The following CNTN2 variants were observed in gnomAD, a reference collection of about 807,000 sequenced individuals.
The protein encoded by CNTN2 is contactin-2.
Under a neutral mutation model 117.5 loss-of-function variants are expected in CNTN2, and 53 were observed. The ratio of observed to expected loss-of-function variants is 0.45; its 90% CI spans 0.36 to 0.57. The LOEUF (loss-of-function observed/expected upper bound fraction) is 0.57. Ranked by LOEUF, CNTN2 falls within the 20% of genes least tolerant of loss-of-function variation. The probability of loss-of-function intolerance (pLI) is 0.00; values close to 1 mark genes in which losing one functional copy is unlikely to be tolerated. For missense variants in CNTN2, 1,106 were observed against 1,404.3 expected (o/e 0.79, Z 3.39); for synonymous variants, 530 against 561.7 (o/e 0.94, Z 0.80).
chr1:205,046,707 C>T (rs2096442134), intron 1 of CNTN2, among the ~76,000 whole-genome samples: 1 of 152,312 alleles, frequency 6.6e-6, no homozygotes, highest in East Asian at 1.9e-4. Flanking sequence ...AGGAAATTTT[C>T]TTCCTGATTT....
At chr1:205,069,700 T>C in intron 17 of CNTN2, 127 bp from the exon 18 acceptor site, 1 of 1,401,776 alleles carries the variant, frequency 7.1e-7, no homozygotes, top group South Asian at 1.3e-5. Context: ...CGCTGCCCCT[T>C]ACGCGAATCC....
rs1487825907 is a variant in CNTN2 at position 205,074,153 on chromosome 1, G to A, written c.*388G>A. 8.4e-6 allele frequency: 4 copies of A among 474,412 alleles called. No homozygotes were observed. Among genetic ancestry groups the A allele is most frequent in the African/African-American group, 1.9e-5 (1 of 52,176 alleles). The allele number at this position is 474,412 out of a possible 1,614,324, so 29.4% of individuals were successfully genotyped here. On this transcript the variant is annotated 3_prime_UTR_variant, in exon 23 of 23. Transcript: ENST00000331830. Reference sequence around the variant, plus strand: ...GCCACTTGAGAGCAGTCCTAGGCCCGGCAGGAACACCAGACATGAACAGGT... The same window carrying A: ...GCCACTTGAGAGCAGTCCTAGGCCCAGCAGGAACACCAGACATGAACAGGT...
intron 1 of CNTN2, among the ~76,000 whole-genome samples, chr1:205,051,615 A>G (rs913122840): frequency 6.6e-6 from 1 of 151,996 alleles, no homozygotes; most frequent in Non-Finnish European, 1.5e-5. Context: ...ATCTGCTCCA[A>G]CGCCCCCCAC....
chr1:205,063,629 TAA>T (rs1194126862), intron 10 of CNTN2: 5 of 126,400 alleles, frequency 4.0e-5, no homozygotes, highest in Admixed American at 1.6e-4. Context: ...ACTTGTCTTT[TAA>T]AAAAAAAAAA....
intron 21 of CNTN2, 29 bp downstream of exon 21, chr1:205,072,624 T>C: frequency 6.5e-7 from 1 of 1,532,456 alleles, no homozygotes; most frequent in African/African-American, 1.4e-5. Flanking sequence ...AGGCCCAGAA[T>C]GGGAAGGAAC....
intron 16 of CNTN2, chr1:205,068,401 T>C (rs903817447): frequency 3.3e-5 from 5 of 152,240 alleles, no homozygotes; most frequent in African/African-American, 1.2e-4. Context: ...CAGGCCCTTT[T>C]TCTAGAATCA....
upstream of CNTN2, chr1:205,043,198 C>T (rs1242551370): frequency 1.3e-5 from 2 of 152,602 alleles, no homozygotes; most frequent in Non-Finnish European, 2.9e-5. Context: ...GCTGCAGTGG[C>T]TCCGGGCGCG....
At position 205,074,199 on chromosome 1, in the gene CNTN2, C is replaced by T; in HGVS notation, c.*434C>T. The T allele has an allele frequency of 4.6e-6, 2 of 438,686 alleles. No homozygotes were observed. The highest frequency in any genetic ancestry group is 8.0e-6 in the Non-Finnish European group (2 of 248,810). The allele number at this position is 438,686 out of a possible 1,614,324, so 27.2% of individuals were successfully genotyped here. On this transcript the variant is annotated 3_prime_UTR_variant, in exon 23 of 23. Transcript: ENST00000331830. ...CAGGTTGAAGAACTGGAGCGAAGTG[C>T]ACACCTCACCATCCTTCAGTCTAAG...
rs2151200097 is a variant in CNTN2, at chr1:205,072,103, C to T, written c.2701C>T (p.Pro901Ser). 2 of 1,612,808 alleles carry T rather than the reference C, an allele frequency of 1.2e-6. No individual in the cohort carries two copies. The highest frequency in any genetic ancestry group is 2.2e-5 in the East Asian group (1 of 44,868). ...YNRAGTGPAS[P>S]SANATTMKPP... ...CCGGGCTGGCACTGGGCCTGCCAGC[C>T]CTTCTGCCAACGCCACGACCATGAA... is the stretch of plus-strand genomic sequence containing the variant. Residue 901 changes from proline (P) to serine (S), a missense_variant, in exon 20 of 23, where the codon CCT becomes TCT. Physicochemically the swap from Pro to Ser is moderately conservative, Grantham distance 74. Transcript: ENST00000331830.
intron 1 of CNTN2, among the ~76,000 whole-genome samples, chr1:205,050,786 T>G (rs2096451372): frequency 1.3e-5 from 2 of 152,092 alleles, no homozygotes; most frequent in Non-Finnish European, 2.9e-5. Context: ...GCCCAGCAAA[T>G]TTTTGTATTT....
chr1:205,071,870 A>T, intron 19 of CNTN2, 77 bp from the exon 20 acceptor site: 1 of 1,385,506 alleles, frequency 7.2e-7, no homozygotes, highest in East Asian at 2.4e-5. Flanking sequence ...GCAAGAGAGG[A>T]ACAGAATGTG....
At chr1:205,062,195 G>A in intron 9 of CNTN2, 194 bp downstream of exon 9, 1 of 840,844 alleles carries the variant, frequency 1.2e-6, no homozygotes, top group Non-Finnish European at 1.8e-6. Flanking sequence ...CTGGATCCAG[G>A]CACAGTTCAG....
At chr1:205,052,128 C>T (rs368406211) in intron 1 of CNTN2, among the ~76,000 whole-genome samples, 3 of 152,360 alleles carry the variant, frequency 2.0e-5, no homozygotes, top group Admixed American at 6.5e-5. Flanking sequence ...CAGAGCAGAG[C>T]AGCAGAATCT....
rs766935319 is a variant in CNTN2 at position 205,072,531 on chromosome 1, G to T, written c.2780G>T (p.Ser927Ile). ...GNISWTFSSS[S>I]LSIKWDPVVP... Reference sequence around the variant, plus strand: ...ATCTCCTGGACTTTCTCAAGCTCTAGTCTTAGCATTAAGTGGGACCCTGTG... The same window carrying T: ...ATCTCCTGGACTTTCTCAAGCTCTATTCTTAGCATTAAGTGGGACCCTGTG... Residue 927 changes from serine to isoleucine, a missense_variant, in exon 21 of 23, where the codon AGT becomes ATT. Transcript: ENST00000331830. 6.2e-7 allele frequency: 1 copy of T among 1,614,198 alleles called. No homozygotes were observed. The highest frequency in any genetic ancestry group is 8.5e-7 in the Non-Finnish European group (1 of 1,180,050).
At position 205,053,293 on chromosome 1, in the gene CNTN2, A is replaced by G. The variant is rs766715963; in HGVS notation, c.70+38A>G. The G allele has an allele frequency of 1.0e-5, 16 of 1,556,852 alleles. No homozygotes were observed. The Admixed American group carries it at 2.7e-4, about 26-fold the overall frequency. ...ATCTGGGCTTTGAAGCCTAGCAGGC[A>G]TGATTATAGTGTTATATCCTTGCTA... is the stretch of plus-strand genomic sequence containing the variant. On this transcript the variant is annotated intron_variant, in intron 2 of 22. Coordinates refer to ENST00000331830, the MANE Select transcript of CNTN2 (RefSeq NM_005076.5).
chr1:205,073,472 C>A lies in CNTN2; in HGVS notation c.3014-184C>A. 2 of 723,336 alleles carry A rather than the reference C, an allele frequency of 2.8e-6. No homozygotes were observed. Among genetic ancestry groups the A allele is most frequent in the South Asian group, 3.6e-5 (2 of 56,000 alleles). The allele number at this position is 723,336 out of a possible 1,614,324, so 44.8% of individuals were successfully genotyped here. Reference sequence around the variant, plus strand: ...GCAGGGTGCAGGGGGAGGCTGAGGACCAACCAGCAATAGCAAACGGCCTAC... The same window carrying A: ...GCAGGGTGCAGGGGGAGGCTGAGGAACAACCAGCAATAGCAAACGGCCTAC... On this transcript the variant is annotated intron_variant, in intron 22 of 22. Coordinates refer to ENST00000331830, the MANE Select transcript of CNTN2 (RefSeq NM_005076.5). The surrounding 1 kb of genome is among the most constrained non-coding windows in gnomAD (Gnocchi z 6.3).
intron 15 of CNTN2, 23 bp from the exon 16 acceptor site, chr1:205,067,078 A>G: frequency 6.3e-7 from 1 of 1,588,888 alleles, no homozygotes; most frequent in Non-Finnish European, 8.6e-7. Flanking sequence ...ATGCTGGAAT[A>G]TGGACTCCCT....
Position 205,061,377 on chromosome 1 carries a change from C to T in CNTN2, c.930C>T (p.Asn310=), listed in dbSNP as rs1390639108. The T allele has an allele frequency of 8.7e-6, 14 of 1,613,660 alleles. No individual in the cohort carries two copies. Among genetic ancestry groups the T allele is most frequent in the South Asian group, 2.2e-5 (2 of 91,026 alleles). ...DEGTYECEAE[N]SKGRDTVQGR... is the part of the protein sequence containing the mutation. ...GCACCTACGAGTGTGAGGCGGAGAA[C>T]TCCAAGGGCCGAGACACCGTGCAGG... The change falls in exon 8 of 23, where the codon AAC becomes AAT. Residue 310 remains asparagine (N), a synonymous_variant. Coordinates refer to ENST00000331830, the MANE Select transcript of CNTN2 (RefSeq NM_005076.5). This position sits in a 1 kb window ranked among gnomAD's most constrained non-coding sequence, Gnocchi z 4.8.
At chr1:205,072,163 G>A in intron 20 of CNTN2, 30 bp downstream of exon 20, 1 of 1,576,452 alleles carries the variant, frequency 6.3e-7, no homozygotes, top group Non-Finnish European at 8.6e-7. Flanking sequence ...GTGGGGGTAG[G>A]GCAATATTTT....
Sources: allele counts gnomAD v4.1 joint callset (sites outside exome capture counted in the v4.1 genomes callset), GRCh38; gene constraint gnomAD v4.1.1; non-coding constraint Gnocchi (gnomAD v3.1); transcripts MANE v1.5; gene names NCBI Gene and HGNC (gene_info 2026-07-23, HGNC 2026-07-21).